EPS8: variants seen among roughly 807,000 people sequenced by gnomAD.
EPS8 encodes EGFR pathway substrate 8, signaling adaptor.
EPS8 carries 42 observed loss-of-function variants against 103.8 expected under a neutral mutation model. The observed-to-expected ratio is 0.40, with a 90% CI of 0.32 to 0.52. The LOEUF (loss-of-function observed/expected upper bound fraction) is 0.52. EPS8 is among the 20% of genes least tolerant of loss of function. The pLI, the probability that EPS8 is intolerant of heterozygous loss-of-function variation, is 0.40. For synonymous variants in EPS8, 344 were observed against 344.6 expected, an observed-to-expected ratio of 1.00 and a Z score of 0.02; for missense variants, 969 against 1,005.1, an observed-to-expected ratio of 0.96 and a Z score of 0.49.
In EPS8 at chr12:15,697,227, C is replaced by T. The variant is rs1946255057; in HGVS notation, c.-21-14255G>A. Among the ~76,000 whole-genome samples, 1 of 152,178 alleles carries T rather than the reference C, an allele frequency of 6.6e-6. No homozygotes were observed. Among genetic ancestry groups the T allele is most frequent in the Admixed American group, 6.5e-5 (1 of 15,284 alleles). ...TGATTAAAATGTCTAAATAACCCCC[C>T]AAATTAACTCCAGCTCTTGATTAAA... is the stretch of plus-strand genomic sequence containing the variant. On this transcript the variant is annotated intron_variant, in intron 1 of 20. Coordinates refer to ENST00000281172, the MANE Select transcript of EPS8 (RefSeq NM_004447.6). This position sits in a 1 kb window ranked among gnomAD's most constrained non-coding sequence, Gnocchi z 5.6.
chr12:15,717,429 A>G lies in EPS8; in HGVS notation c.-21-34457T>C, dbSNP rs980335186. On this transcript the variant is annotated intron_variant, in intron 1 of 20. Coordinates refer to ENST00000281172, the MANE Select transcript of EPS8 (RefSeq NM_004447.6). This position sits in a 1 kb window ranked among gnomAD's most constrained non-coding sequence, Gnocchi z 4.3. ...TGGTGAAACCCCATCTCTACTAAAA[A>G]TACAAAAATTAGCTGGGCGCGGTGG... is the stretch of plus-strand genomic sequence containing the variant. Among the ~76,000 whole-genome samples the G allele has an allele frequency of 1.3e-5, 2 of 152,130 alleles. No homozygotes were observed. Among genetic ancestry groups the G allele is most frequent in the African/African-American group, 4.8e-5 (2 of 41,434 alleles).
chr12:15,759,047 G>C lies in EPS8; in HGVS notation c.-22+30114C>G, dbSNP rs1947015933. On this transcript the variant is annotated intron_variant, in intron 1 of 20. Coordinates refer to ENST00000281172, the MANE Select transcript of EPS8 (RefSeq NM_004447.6). This position sits in a 1 kb window ranked among gnomAD's most constrained non-coding sequence, Gnocchi z 4.9. ...TTTTTTTAAAATTTTTTAATTAAAA[G>C]ATGCAGGGGAATTAAACTTTCTCCC... is the stretch of plus-strand genomic sequence containing the variant. Among the ~76,000 whole-genome samples, 1 of 152,016 alleles carries C rather than the reference G, an allele frequency of 6.6e-6. No homozygotes were observed. The highest frequency in any genetic ancestry group is 6.6e-5 in the Admixed American group (1 of 15,266).
chr12:15,667,982 G>A (rs189579857), intron 6 of EPS8, among the ~76,000 whole-genome samples: 15 of 152,022 alleles, frequency 9.9e-5, no homozygotes, highest in African/African-American at 2.9e-4. Flanking sequence ...TCCCGGGGGG[G>A]GCTTTTTAGA....
intron 20 of EPS8, among the ~76,000 whole-genome samples, chr12:15,622,450 A>G (rs1944875221): frequency 6.6e-6 from 1 of 152,192 alleles, no homozygotes; most frequent in Non-Finnish European, 1.5e-5. Flanking sequence ...ATTATGGATC[A>G]ATTTCATGCC....
chr12:15,685,273 G>A (rs1025729579), intron 1 of EPS8, among the ~76,000 whole-genome samples: 2 of 152,134 alleles, frequency 1.3e-5, no homozygotes, highest in Non-Finnish European at 2.9e-5. Flanking sequence ...GTCCTCGTCA[G>A]TAAAATAGAG....
chr12:15,678,493 C>T (rs1183322014), intron 3 of EPS8, among the ~76,000 whole-genome samples: 3 of 152,098 alleles, frequency 2.0e-5, no homozygotes, highest in South Asian at 4.1e-4. Flanking sequence ...TCTCATTGTA[C>T]CTATACACTG....
rs558920581 is a variant in EPS8 at position 15,661,040 on chromosome 12, G to A, written c.811-300C>T. Reference sequence around the variant, plus strand: ...TTCTCAGTGTTCTCCCACACAGTTAGGAGGAAAATTCTAAAATAGGTTTTG... The same window carrying A: ...TTCTCAGTGTTCTCCCACACAGTTAAGAGGAAAATTCTAAAATAGGTTTTG... On this transcript the variant is annotated intron_variant, in intron 9 of 20. Coordinates refer to ENST00000281172, the MANE Select transcript of EPS8 (RefSeq NM_004447.6). 2.6e-5 allele frequency among the ~76,000 whole-genome samples: 4 copies of A among 152,210 alleles called. No individual in the cohort carries two copies. The East Asian group carries it at 7.7e-4, about 29-fold the overall frequency.
chr12:15,770,824 AT>A (rs2136042932), intron 1 of EPS8, among the ~76,000 whole-genome samples: 1 of 152,192 alleles, frequency 6.6e-6, no homozygotes, highest in South Asian at 2.1e-4. Flanking sequence ...TTTCCTTTTC[AT>A]ATTGAGAGTT....
chr12:15,775,449 C>T (rs1167596923), intron 1 of EPS8, among the ~76,000 whole-genome samples: 3 of 152,064 alleles, frequency 2.0e-5, no homozygotes, highest in East Asian at 1.9e-4. Flanking sequence ...AAATAGCCAA[C>T]GTTCCTTTGT....
chr12:15,625,220 A>C (rs762411222), intron 18 of EPS8, among the ~76,000 whole-genome samples: 1 of 152,134 alleles, frequency 6.6e-6, no homozygotes, highest in Non-Finnish European at 1.5e-5. Flanking sequence ...ATTATGTTAT[A>C]TAAGAGCTGT....
Position 15,700,036 on chromosome 12 carries a change from T to A in EPS8, c.-21-17064A>T, listed in dbSNP as rs536571920. Among the ~76,000 whole-genome samples the A allele has an allele frequency of 5.8e-4, 88 of 152,212 alleles. 1 individual carries two copies. Among genetic ancestry groups the A allele is most frequent in the African/African-American group, 2.0e-3 (84 of 41,526 alleles). On this transcript the variant is annotated intron_variant, in intron 1 of 20. Coordinates refer to ENST00000281172, the MANE Select transcript of EPS8 (RefSeq NM_004447.6). This position sits in a 1 kb window ranked among gnomAD's most constrained non-coding sequence, Gnocchi z 5.1. ...GGACGTGGTGCTACACAACGTGTAG[T>A]CGTAGCTACTCTGGAGGCTGAGGCA...
At chr12:15,729,711 T>C (rs1310853355) in intron 1 of EPS8, among the ~76,000 whole-genome samples, 1 of 152,244 alleles carries the variant, frequency 6.6e-6, no homozygotes, top group Admixed American at 6.5e-5. Context: ...TGTTGTGTTA[T>C]CTTCTCAATG....
intron 1 of EPS8, among the ~76,000 whole-genome samples, chr12:15,737,452 GACA>G (rs536441405): frequency 7.2e-5 from 11 of 152,082 alleles, no homozygotes; most frequent in South Asian, 6.2e-4. Flanking sequence ...GAAAAATAAT[GACA>G]ACAACAACAA....
intron 18 of EPS8, among the ~76,000 whole-genome samples, chr12:15,628,372 C>T (rs1944985832): frequency 6.6e-6 from 1 of 152,190 alleles, no homozygotes; most frequent in South Asian, 2.1e-4. Context: ...AAACCTCCAC[C>T]TAACATGTTC....
In EPS8 at chr12:15,714,938, C is replaced by T. The variant is rs182917295; in HGVS notation, c.-21-31966G>A. 3.3e-5 allele frequency among the ~76,000 whole-genome samples: 5 copies of T among 152,300 alleles called. No individual in the cohort carries two copies. The highest frequency in any genetic ancestry group is 2.0e-4 in the Admixed American group (3 of 15,308). ...TCCTGACCACTGTATGCTGCAACTC[C>T]TTATTCCTGAAAATTCTGACCCATC... On this transcript the variant is annotated intron_variant, in intron 1 of 20. Coordinates refer to ENST00000281172, the MANE Select transcript of EPS8 (RefSeq NM_004447.6). This position sits in a 1 kb window ranked among gnomAD's most constrained non-coding sequence, Gnocchi z 4.1.
intron 1 of EPS8, among the ~76,000 whole-genome samples, chr12:15,773,814 G>C (rs1947179850): frequency 6.6e-6 from 1 of 152,040 alleles, no homozygotes; most frequent in African/African-American, 2.4e-5. Context: ...TGGCAATCAG[G>C]GGAAGTCAAT....
chr12:15,675,771 T>C (rs1165176887), intron 3 of EPS8, among the ~76,000 whole-genome samples: 2 of 152,208 alleles, frequency 1.3e-5, no homozygotes, highest in East Asian at 3.8e-4. Context: ...TAAAATGACT[T>C]TAAGCAGTTG....
chr12:15,720,530 T>C (rs1202100408), intron 1 of EPS8, among the ~76,000 whole-genome samples: 1 of 152,120 alleles, frequency 6.6e-6, no homozygotes, highest in Non-Finnish European at 1.5e-5. Flanking sequence ...GTAAAAGAGG[T>C]CCATTGACAG....
At chr12:15,657,333 C>A (rs537377071) in intron 12 of EPS8, among the ~76,000 whole-genome samples, 34 of 152,316 alleles carry the variant, frequency 2.2e-4, no homozygotes, top group Admixed American at 2.0e-3. Flanking sequence ...CTTTAACCAA[C>A]CCTACTCAAA....
Sources: allele counts gnomAD v4.1 joint callset (sites outside exome capture counted in the v4.1 genomes callset), GRCh38; gene constraint gnomAD v4.1.1; non-coding constraint Gnocchi (gnomAD v3.1); transcripts MANE v1.5; gene names NCBI Gene and HGNC (gene_info 2026-07-23, HGNC 2026-07-21).